The following GPC6 variants were observed in gnomAD, a reference collection of about 807,000 sequenced individuals.
GPC6 encodes glypican-6.
Under a neutral mutation model 55.2 loss-of-function variants are expected in GPC6, and 14 were observed. That is an observed-to-expected ratio of 0.25 (90% CI 0.17 to 0.40). GPC6 has a LOEUF of 0.40. Ranked by LOEUF, GPC6 falls within the 10% of genes least tolerant of loss-of-function variation. The pLI is 1.00. For synonymous variants in GPC6, 278 were observed against 259.6 expected, an observed-to-expected ratio of 1.07 and a Z score of -0.68; for missense variants, 641 against 708.5, an observed-to-expected ratio of 0.90 and a Z score of 1.08.
intron 4 of GPC6, among the ~76,000 whole-genome samples, chr13:94,273,318 G>C (rs745568034): frequency 1.3e-5 from 2 of 152,162 alleles, no homozygotes; most frequent in Non-Finnish European, 2.9e-5. Flanking sequence ...CATCTAAGCT[G>C]TTAAGGATTC....
At chr13:93,361,716 G>A (rs1045407514) in intron 1 of GPC6, among the ~76,000 whole-genome samples, 2 of 152,038 alleles carry the variant, frequency 1.3e-5, no homozygotes, top group Admixed American at 6.6e-5. Flanking sequence ...TATGAGATGC[G>A]AGACCCTGCA....
intron 2 of GPC6, among the ~76,000 whole-genome samples, chr13:93,809,860 G>A (rs1886644825): frequency 6.6e-6 from 1 of 152,176 alleles, no homozygotes; most frequent in African/African-American, 2.4e-5. Flanking sequence ...TAGCTTAGAA[G>A]CCCACTTTTG....
intron 4 of GPC6, among the ~76,000 whole-genome samples, chr13:94,106,866 C>A (rs573367469): frequency 6.6e-6 from 1 of 152,212 alleles, no homozygotes; most frequent in East Asian, 1.9e-4. Flanking sequence ...CTGGTGATGA[C>A]TGAAAGTTTT....
chr13:94,276,138 A>G (rs967816957), intron 4 of GPC6, among the ~76,000 whole-genome samples: 8 of 152,246 alleles, frequency 5.3e-5, no homozygotes, highest in Admixed American at 2.0e-4. Flanking sequence ...TATTCACTGC[A>G]GCATTATTTG....
upstream of GPC6, chr13:93,226,780 T>A (rs1005214075): frequency 2.0e-5 from 3 of 152,334 alleles, no homozygotes; most frequent in East Asian, 1.9e-4. Flanking sequence ...GGCTGTGCAA[T>A]GTGTAGCACG....
At chr13:94,110,899 C>T (rs576086012) in intron 4 of GPC6, among the ~76,000 whole-genome samples, 1 of 152,206 alleles carries the variant, frequency 6.6e-6, no homozygotes, top group African/African-American at 2.4e-5. Context: ...ATTACTGGCT[C>T]ATAAAATATG....
intron 4 of GPC6, among the ~76,000 whole-genome samples, chr13:94,175,951 T>TAG (rs1298418912): frequency 9.4e-5 from 9 of 95,862 alleles, no homozygotes; most frequent in African/African-American, 2.5e-4. Context: ...TATATATATA[T>TAG]ATATAGAGAG....
chr13:93,907,971 T>C (rs1594578215), intron 3 of GPC6, among the ~76,000 whole-genome samples: 4 of 152,120 alleles, frequency 2.6e-5, no homozygotes, highest in Non-Finnish European at 5.9e-5. Flanking sequence ...TAAATGTAAG[T>C]TTATGGGAAT....
At chr13:94,028,638 T>C (rs934091371) in intron 4 of GPC6, among the ~76,000 whole-genome samples, 1 of 152,182 alleles carries the variant, frequency 6.6e-6, no homozygotes, top group African/African-American at 2.4e-5. Context: ...GGCTAAAATA[T>C]GCAAATTTTC....
chr13:93,355,043 A>T (rs1353386830), intron 1 of GPC6, among the ~76,000 whole-genome samples: 2 of 152,108 alleles, frequency 1.3e-5, no homozygotes, highest in African/African-American at 4.8e-5. Context: ...GGAGTCATTG[A>T]CTCCACCACC....
At chr13:93,547,790 A>G (rs1312415714) in intron 2 of GPC6, among the ~76,000 whole-genome samples, 1 of 150,138 alleles carries the variant, frequency 6.7e-6, no homozygotes, top group Non-Finnish European at 1.5e-5. Context: ...TAGACTTAAT[A>G]ATAATAATAA....
chr13:93,836,731 T>C (rs1028753592), intron 3 of GPC6, among the ~76,000 whole-genome samples: 1 of 152,148 alleles, frequency 6.6e-6, no homozygotes, highest in Non-Finnish European at 1.5e-5. Flanking sequence ...ACTTGATAAA[T>C]AATTTCATAA....
intron 1 of GPC6, among the ~76,000 whole-genome samples, chr13:93,541,119 C>G (rs979385132): frequency 1.3e-5 from 2 of 150,694 alleles, no homozygotes; most frequent in African/African-American, 2.4e-5. Flanking sequence ...TGGTGTGCTG[C>G]ACCCACTAAC....
intron 6 of GPC6, among the ~76,000 whole-genome samples, chr13:94,329,101 G>T (rs1877280135): frequency 1.3e-5 from 2 of 152,172 alleles, no homozygotes; most frequent in African/African-American, 4.8e-5. Context: ...TTTCCCTTTT[G>T]AAAGAGCTGG....
At chr13:93,754,367 A>G (rs755762472) in intron 2 of GPC6, among the ~76,000 whole-genome samples, 5 of 152,174 alleles carry the variant, frequency 3.3e-5, no homozygotes, top group Non-Finnish European at 7.3e-5. Context: ...CAGGTATAAT[A>G]TTGATTCTTA....
chr13:94,145,505 G>T (rs10492633), intron 4 of GPC6, among the ~76,000 whole-genome samples: 26,688 of 151,826 alleles, frequency 0.18, 2,738 homozygotes, highest in Non-Finnish European at 0.23. Context: ...GAGATTAACT[G>T]ATTTGCTTAA....
chr13:93,511,007 T>G (rs9589758), intron 1 of GPC6, among the ~76,000 whole-genome samples: 17 of 19,556 alleles, frequency 8.7e-4, no homozygotes, highest in East Asian at 2.0e-3. Flanking sequence ...ATATATATAT[T>G]CATGTCCTTT....
In GPC6 at chr13:93,542,740, G is replaced by A. The variant is rs538863928; in HGVS notation, c.161-2523G>A. Among the ~76,000 whole-genome samples, 20 of 152,110 alleles carry A rather than the reference G, an allele frequency of 1.3e-4. No individual in the cohort carries two copies. In the East Asian group the frequency reaches 2.3e-3, roughly 18 times the overall value. On this transcript the variant is annotated intron_variant, in intron 1 of 8. Transcript: ENST00000377047. ...AGTTCTCCTTGAAGAGGTCCATCAC[G>A]TCCCTTGTAAGTTGGATTCCTAGGT...
chr13:94,159,560 A>G (rs1028641680), intron 4 of GPC6, among the ~76,000 whole-genome samples: 5 of 152,244 alleles, frequency 3.3e-5, no homozygotes, highest in Middle Eastern at 3.4e-3. Flanking sequence ...TGATTCAATT[A>G]TCTCCCACCA....
Sources: gnomAD v4.1 joint callset for allele counts (sites outside exome capture counted in the v4.1 genomes callset) on GRCh38, gnomAD v4.1.1 for gene constraint, MANE v1.5 for transcripts, NCBI Gene and HGNC (gene_info 2026-07-23, HGNC 2026-07-21) for gene names.